The following SPTSSB variants were observed in gnomAD, a reference collection of about 807,000 sequenced individuals.
The protein encoded by SPTSSB is androgen down regulated in mouse prostate.
SPTSSB carries 6 observed loss-of-function variants against 7.7 expected under a neutral mutation model. That is an observed-to-expected ratio of 0.78 (90% confidence interval 0.43 to 1.54). The LOEUF (loss-of-function observed/expected upper bound fraction) is 1.54, where lower values mean the gene tolerates loss of function less well. SPTSSB is among the 40% of genes most tolerant of loss of function. The pLI is 0.01. For synonymous variants in SPTSSB, 28 were observed against 29.7 expected (o/e 0.94, Z 0.19); for missense variants, 91 against 93.0 (o/e 0.98, Z 0.09).
chr3:161,353,510 A>G (rs1286386724), intron 2 of SPTSSB, among the ~76,000 whole-genome samples: 2 of 151,976 alleles, frequency 1.3e-5, no homozygotes, highest in Non-Finnish European at 2.9e-5. Flanking sequence ...CTGTAAACAA[A>G]TGGCGAAATA....
intron 1 of SPTSSB, 100 bp downstream of exon 1, chr3:161,371,335 C>T: frequency 1.3e-6 from 1 of 763,360 alleles, no homozygotes; most frequent in Non-Finnish European, 1.6e-6. Flanking sequence ...TGATAAATTG[C>T]ATTAAAGCTC....
At chr3:161,346,683 T>C (rs1479648847) in intron 2 of SPTSSB, among the ~76,000 whole-genome samples, 2 of 152,118 alleles carry the variant, frequency 1.3e-5, no homozygotes, top group Non-Finnish European at 2.9e-5. Context: ...TCCTGAGCCA[T>C]GTATACAAAG....
At chr3:161,354,325 T>C (rs1461000294) in intron 2 of SPTSSB, among the ~76,000 whole-genome samples, 1 of 152,220 alleles carries the variant, frequency 6.6e-6, no homozygotes, top group East Asian at 1.9e-4. Context: ...TATGGCTACC[T>C]GAACTCACCT....
chr3:161,356,607 A>G (rs1051720747), intron 2 of SPTSSB, among the ~76,000 whole-genome samples: 1 of 152,162 alleles, frequency 6.6e-6, no homozygotes, highest in Admixed American at 6.5e-5. Flanking sequence ...TGTTTATACA[A>G]CTTTTTAAAA....
At chr3:161,358,737 A>G (rs1471523665) in intron 2 of SPTSSB, among the ~76,000 whole-genome samples, 1 of 152,218 alleles carries the variant, frequency 6.6e-6, no homozygotes, top group Non-Finnish European at 1.5e-5. Flanking sequence ...TGGCTGTCAT[A>G]AAGCAGACAA....
At chr3:161,359,573 G>A (rs16832129) in intron 2 of SPTSSB, 14,096 of 359,850 alleles carry the variant, frequency 0.039, 316 homozygotes, top group Middle Eastern at 0.063. Context: ...TTCTGCACAC[G>A]TTTCAAAGGA....
chr3:161,357,047 A>G (rs1328733835), intron 2 of SPTSSB, among the ~76,000 whole-genome samples: 1 of 152,200 alleles, frequency 6.6e-6, no homozygotes, highest in Non-Finnish European at 1.5e-5. Flanking sequence ...GGATCAGGCC[A>G]TAGAGACACG....
chr3:161,369,352 C>CTTTTTCTT (rs71149709), intron 1 of SPTSSB, among the ~76,000 whole-genome samples: 1 of 50,764 alleles, frequency 2.0e-5, no homozygotes, highest in African/African-American at 7.7e-5. Context: ...TTCTTTCTTT[C>CTTTTTCTT]TCTTTCTTTC....
At chr3:161,366,259 G>A (rs562378740) in intron 1 of SPTSSB, among the ~76,000 whole-genome samples, 267 of 152,274 alleles carry the variant, frequency 1.8e-3, no homozygotes, top group African/African-American at 6.1e-3. Context: ...TGAAAGCCCA[G>A]GCTGATGATT....
chr3:161,352,919 A>G (rs1359952429), intron 2 of SPTSSB, among the ~76,000 whole-genome samples: 1 of 152,176 alleles, frequency 6.6e-6, no homozygotes, highest in Non-Finnish European at 1.5e-5. Context: ...TCCTATTGAA[A>G]TAGCTCTTAG....
At chr3:161,362,417 T>C (rs987756648) in intron 1 of SPTSSB, among the ~76,000 whole-genome samples, 3 of 152,158 alleles carry the variant, frequency 2.0e-5, no homozygotes, top group African/African-American at 4.8e-5. Context: ...AGAGTTCACA[T>C]CAAATTTTTT....
chr3:161,369,320 CT>C (rs1195831527), intron 1 of SPTSSB, among the ~76,000 whole-genome samples: 1 of 61,614 alleles, frequency 1.6e-5, no homozygotes, highest in African/African-American at 7.8e-5. Flanking sequence ...CTTTCTCTTT[CT>C]TTCTTTCTTT....
chr3:161,358,992 A>G (rs1714898278), intron 2 of SPTSSB, among the ~76,000 whole-genome samples: 2 of 152,172 alleles, frequency 1.3e-5, no homozygotes, highest in Non-Finnish European at 2.9e-5. Flanking sequence ...AATCATTCAT[A>G]AGATAAATCT....
intron 2 of SPTSSB, among the ~76,000 whole-genome samples, chr3:161,352,623 A>C (rs897495570): frequency 2.6e-5 from 4 of 152,138 alleles, no homozygotes; most frequent in Non-Finnish European, 4.4e-5. Context: ...TTCAGTTGTA[A>C]GGTGGTTGAA....
chr3:161,351,644 C>T (rs1714544989), intron 2 of SPTSSB, among the ~76,000 whole-genome samples: 1 of 152,088 alleles, frequency 6.6e-6, no homozygotes, highest in African/African-American at 2.4e-5. Context: ...CTGAAACAAA[C>T]ATCTCTCAAA....
chr3:161,359,128 T>C (rs964125473), intron 2 of SPTSSB, among the ~76,000 whole-genome samples: 5 of 152,188 alleles, frequency 3.3e-5, no homozygotes, highest in Admixed American at 1.3e-4. Flanking sequence ...TGTAATTCTA[T>C]TTCCTTTTCT....
At chr3:161,369,306 CTTTCTTTCTCTT>C (rs1397374665) in intron 1 of SPTSSB, among the ~76,000 whole-genome samples, 1 of 56,456 alleles carries the variant, frequency 1.8e-5, no homozygotes, top group Non-Finnish European at 3.0e-5. Flanking sequence ...TTCTTTCTTT[CTTTCTTTCTCTT>C]TCTTTCTTTC....
At chr3:161,366,116 T>G (rs1715208160) in intron 1 of SPTSSB, among the ~76,000 whole-genome samples, 1 of 152,164 alleles carries the variant, frequency 6.6e-6, no homozygotes, top group Non-Finnish European at 1.5e-5. Context: ...AGTTCTTAAT[T>G]ATTTACCACA....
chr3:161,361,753 C>A (rs1041564592), intron 1 of SPTSSB, among the ~76,000 whole-genome samples: 5 of 152,082 alleles, frequency 3.3e-5, no homozygotes, highest in Non-Finnish European at 7.4e-5. Context: ...TCTTATCTAA[C>A]AGATTCCTTT....
Sources: allele counts gnomAD v4.1 joint callset (sites outside exome capture counted in the v4.1 genomes callset), GRCh38; gene constraint gnomAD v4.1.1; transcripts MANE v1.5; gene names NCBI Gene and HGNC (gene_info 2026-07-23, HGNC 2026-07-21).